Variants in GABPB2 observed in about 807,000 individuals in gnomAD.
GABPB2 encodes GA-binding protein subunit beta-2.
In GABPB2, 23 loss-of-function variants were observed where a neutral mutation model predicts 39.1. The observed-to-expected ratio is 0.59, with a 90% CI of 0.42 to 0.83. The LOEUF (loss-of-function observed/expected upper bound fraction) is 0.83. GABPB2 is among the 40% of genes least tolerant of loss of function. GABPB2 has a pLI of 0.00. For missense variants in GABPB2, 467 were observed against 541.1 expected, an observed-to-expected ratio of 0.86 and a Z score of 1.36; for synonymous variants, 184 against 199.3, an observed-to-expected ratio of 0.92 and a Z score of 0.65.
At position 151,118,540 on chromosome 1, in the gene GABPB2, A is replaced by AT. The variant is rs757004156; in HGVS notation, c.*296dup. 0.023 allele frequency: 5,981 copies of AT among 255,008 alleles called. 104 individuals are homozygous for AT. Among genetic ancestry groups the AT allele is most frequent in the African/African-American group, 0.074 (3,275 of 44,098 alleles). The allele number at this position is 255,008 out of a possible 1,614,324, so 15.8% of individuals were successfully genotyped here. A position where few individuals can be genotyped will look rare whatever the true frequency, so the allele number is the denominator to read the frequency against. ...AAAGAATACTGCATGTTGTGGGTTG[A>AT]TTTTTTTTTTTTAAATAACTGACTT... On this transcript the variant is annotated 3_prime_UTR_variant, in exon 9 of 9. Coordinates refer to ENST00000368918, the MANE Select transcript of GABPB2 (RefSeq NM_144618.3).
chr1:151,109,082 T>C (rs1680183964), intron 7 of GABPB2, among the ~76,000 whole-genome samples: 1 of 151,914 alleles, frequency 6.6e-6, no homozygotes, highest in Admixed American at 6.6e-5. Context: ...TCCCAACTAC[T>C]CAGGAGGTTT....
intron 1 of GABPB2, among the ~76,000 whole-genome samples, chr1:151,087,501 G>T (rs925722691): frequency 5.7e-4 from 86 of 151,932 alleles, no homozygotes; most frequent in Non-Finnish European, 3.2e-4. Context: ...ACAAAAATTA[G>T]CCAGGCATGG....
chr1:151,122,328 A>G lies in GABPB2; in HGVS notation c.*4072A>G, dbSNP rs2101586071. ...AGGAAAATGTGAGGGGGAGTAGCCTAGGTAAGGGTGATGATGAAATTGTTC... is the reference window on the plus strand; with the variant it reads ...AGGAAAATGTGAGGGGGAGTAGCCTGGGTAAGGGTGATGATGAAATTGTTC... On this transcript the variant is annotated 3_prime_UTR_variant, in exon 9 of 9. Coordinates refer to ENST00000368918, the MANE Select transcript of GABPB2 (RefSeq NM_144618.3). 6.6e-6 allele frequency: 1 copy of G among 152,310 alleles called. No homozygotes were observed. The highest frequency in any genetic ancestry group is 2.4e-5 in the African/African-American group (1 of 41,574). The allele number at this position is 152,310 out of a possible 1,614,324, so 9.4% of individuals were successfully genotyped here.
At chr1:151,079,557 A>AATGTAG (rs1677470235) in intron 1 of GABPB2, among the ~76,000 whole-genome samples, 1 of 151,676 alleles carries the variant, frequency 6.6e-6, no homozygotes, top group Non-Finnish European at 1.5e-5. Context: ...TAAATATATA[A>AATGTAG]ATACGATAAA....
intron 7 of GABPB2, among the ~76,000 whole-genome samples, chr1:151,108,785 T>G (rs1292824668): frequency 6.6e-6 from 1 of 152,170 alleles, no homozygotes; most frequent in Non-Finnish European, 1.5e-5. Flanking sequence ...TTTTATAGTC[T>G]TGATGTTTTT....
Position 151,119,539 on chromosome 1 carries a change from A to G in GABPB2, c.*1283A>G, listed in dbSNP as rs1681097325. On this transcript the variant is annotated 3_prime_UTR_variant, in exon 9 of 9. Transcript: ENST00000368918. ...CGGATCACAAGGTCAAGAGATTAAGATCATCCTGGCCAACATGGTGACACC... is the reference window on the plus strand; with the variant it reads ...CGGATCACAAGGTCAAGAGATTAAGGTCATCCTGGCCAACATGGTGACACC... 1 of 152,276 alleles carries G rather than the reference A, an allele frequency of 6.6e-6. No individual in the cohort carries two copies. Among genetic ancestry groups the G allele is most frequent in the Admixed American group, 6.5e-5 (1 of 15,274 alleles). The allele number at this position is 152,276 out of a possible 1,614,324, so 9.4% of individuals were successfully genotyped here. A position where few individuals can be genotyped will look rare whatever the true frequency, so the allele number is the denominator to read the frequency against.
chr1:151,115,670 G>A (rs1680809761), intron 7 of GABPB2, among the ~76,000 whole-genome samples: 2 of 152,010 alleles, frequency 1.3e-5, no homozygotes, highest in African/African-American at 2.4e-5. Context: ...CAAAGTGCTG[G>A]GATTACAGGG....
Position 151,088,264 on chromosome 1 carries a change from G to A in GABPB2, c.75G>A (p.Leu25=). The A allele has an allele frequency of 6.2e-7, 1 of 1,613,962 alleles. No individual in the cohort carries two copies. Among genetic ancestry groups the A allele is most frequent in the South Asian group, 1.1e-5 (1 of 91,056 alleles). The part of the protein sequence containing the change: ...RKGQDDEVRT[L]MANGAPFTTD... Reference sequence around the variant, plus strand: ...GCCAAGATGATGAAGTGAGAACGTTGATGGCAAATGGCGCCCCATTCACCA... The same window carrying A: ...GCCAAGATGATGAAGTGAGAACGTTAATGGCAAATGGCGCCCCATTCACCA... The change falls in exon 2 of 9, where the codon TTG becomes TTA. Residue 25 remains leucine (L), a synonymous_variant. Coordinates refer to ENST00000368918, the MANE Select transcript of GABPB2 (RefSeq NM_144618.3).
rs773257719 is a variant in GABPB2, at chr1:151,107,133, A to T, written c.833A>T (p.Asp278Val). Residue 278 changes from aspartate to valine, a missense_variant, in exon 7 of 9, where the codon GAT becomes GTT. Asp to Val is a radical substitution (Grantham distance 152). Transcript: ENST00000368918. Reference protein sequence around the residue: ...GGQRVITIVTDGVPLGNIQTS... With the variant: ...GGQRVITIVTVGVPLGNIQTS... ...CAGAGGGTCATCACCATAGTGACTGATGGAGTCCCTCTGGGTAATATCCAA... is the reference window on the plus strand; with the variant it reads ...CAGAGGGTCATCACCATAGTGACTGTTGGAGTCCCTCTGGGTAATATCCAA... The T allele has an allele frequency of 6.2e-7, 1 of 1,612,264 alleles. No homozygotes were observed. Among genetic ancestry groups the T allele is most frequent in the South Asian group, 1.1e-5 (1 of 90,976 alleles).
intron 1 of GABPB2, among the ~76,000 whole-genome samples, chr1:151,072,551 T>C (rs1215493996): frequency 1.3e-5 from 2 of 150,214 alleles, no homozygotes; most frequent in African/African-American, 4.9e-5. Flanking sequence ...CCTGTCTCTT[T>C]AAAAAACAAA....
rs1681096497 is a variant in GABPB2, at chr1:151,119,525, G to T, written c.*1269G>T. The T allele has an allele frequency of 6.6e-6, 1 of 152,196 alleles. No individual in the cohort carries two copies. The highest frequency in any genetic ancestry group is 2.4e-5 in the African/African-American group (1 of 41,426). The allele number at this position is 152,196 out of a possible 1,614,324, so 9.4% of individuals were successfully genotyped here. ...GAGGCAGAGGCAGGCGGATCACAAG[G>T]TCAAGAGATTAAGATCATCCTGGCC... On this transcript the variant is annotated 3_prime_UTR_variant, in exon 9 of 9. Transcript: ENST00000368918.
At chr1:151,091,513 C>T (rs991983257) in intron 3 of GABPB2, among the ~76,000 whole-genome samples, 2 of 148,630 alleles carry the variant, frequency 1.3e-5, no homozygotes, top group Admixed American at 1.4e-4. Flanking sequence ...CTCGCACTAT[C>T]GCCCAGGCTC....
In GABPB2 at chr1:151,093,213, A is replaced by G; in HGVS notation, c.298A>G (p.Lys100Glu). 1 of 1,603,320 alleles carries G rather than the reference A, an allele frequency of 6.2e-7. No individual in the cohort carries two copies. Among genetic ancestry groups the G allele is most frequent in the Non-Finnish European group, 8.5e-7 (1 of 1,175,672 alleles). Residue 100 changes from lysine (K) to glutamate (E), a missense_variant, in exon 4 of 9, where the codon AAG becomes GAG. By Grantham distance (56) the Lys-to-Glu change is moderately conservative. Transcript: ENST00000368918. ...LVRNGADVNA[K>E]DMLKMTALHW... is the part of the protein sequence containing the mutation. ...ACAGAATGGTGCAGATGTGAATGCCAAGGACATGCTGAAGATGACAGCTTT... is the reference window on the plus strand; with the variant it reads ...ACAGAATGGTGCAGATGTGAATGCCGAGGACATGCTGAAGATGACAGCTTT...
At chr1:151,094,699 G>C (rs921442484) in intron 4 of GABPB2, among the ~76,000 whole-genome samples, 1 of 150,232 alleles carries the variant, frequency 6.7e-6, no homozygotes, top group Non-Finnish European at 1.5e-5. Context: ...CAATAGGACA[G>C]GGGATATAAA....
intron 3 of GABPB2, among the ~76,000 whole-genome samples, chr1:151,091,548 C>T (rs1248119037): frequency 2.1e-5 from 3 of 142,582 alleles, no homozygotes; most frequent in Non-Finnish European, 4.6e-5. Flanking sequence ...AATCTTGGCT[C>T]ATTGTAACCT....
intron 2 of GABPB2, among the ~76,000 whole-genome samples, chr1:151,090,086 C>T (rs1678542850): frequency 1.3e-5 from 2 of 151,934 alleles, no homozygotes; most frequent in South Asian, 4.2e-4. Context: ...ATTACAGGTG[C>T]CCACCACCAC....
intron 5 of GABPB2, among the ~76,000 whole-genome samples, chr1:151,099,950 C>T (rs1679385514): frequency 6.6e-6 from 1 of 152,146 alleles, no homozygotes; most frequent in Admixed American, 6.6e-5. Context: ...AGTATCTTAG[C>T]GAAGCTTGAC....
At chr1:151,076,249 G>A (rs1677161290) in intron 1 of GABPB2, among the ~76,000 whole-genome samples, 1 of 152,062 alleles carries the variant, frequency 6.6e-6, no homozygotes, top group Non-Finnish European at 1.5e-5. Context: ...AGCTGATTTG[G>A]GGTTACTAGC....
chr1:151,084,778 C>T (rs1331855655), intron 1 of GABPB2, among the ~76,000 whole-genome samples: 3 of 151,466 alleles, frequency 2.0e-5, no homozygotes, highest in Non-Finnish European at 4.4e-5. Context: ...TTGTGATCCG[C>T]CCGCCTCTGC....
Sources: gnomAD v4.1 joint callset for allele counts (sites outside exome capture counted in the v4.1 genomes callset) on GRCh38, gnomAD v4.1.1 for gene constraint, MANE v1.5 for transcripts, NCBI Gene and HGNC (gene_info 2026-07-23, HGNC 2026-07-21) for gene names.